CHST15: variants seen among roughly 807,000 people sequenced by gnomAD.
The protein encoded by CHST15 is B cell RAG associated protein (GALNAC4S-6ST).
A neutral mutation model predicts 53.6 loss-of-function variants in CHST15; 30 were observed. The observed-to-expected ratio is 0.56, with a 90% CI of 0.42 to 0.76. The LOEUF (loss-of-function observed/expected upper bound fraction) is 0.76. Ranked by LOEUF, CHST15 falls within the 30% of genes least tolerant of loss-of-function variation. The probability of loss-of-function intolerance (pLI) is 0.00; values close to 1 mark genes in which losing one functional copy is unlikely to be tolerated. For missense variants in CHST15, 627 were observed against 740.5 expected, an observed-to-expected ratio of 0.85 and a Z score of 1.78; for synonymous variants, 296 against 289.8, an observed-to-expected ratio of 1.02 and a Z score of -0.22.
intron 1 of CHST15, among the ~76,000 whole-genome samples, chr10:124,050,551 C>T (rs1948154583): frequency 6.6e-6 from 1 of 152,168 alleles, no homozygotes; most frequent in South Asian, 2.1e-4. Flanking sequence ...AGCACCCCTT[C>T]CCCTGACATG....
intron 5 of CHST15, among the ~76,000 whole-genome samples, chr10:124,028,584 G>T (rs892028927): frequency 6.6e-6 from 1 of 152,202 alleles, no homozygotes; most frequent in Admixed American, 6.5e-5. Context: ...TCATCACCCT[G>T]ATGAGCGACT....
At chr10:124,010,890 T>G in intron 7 of CHST15, 1 of 985,444 alleles carries the variant, frequency 1.0e-6, no homozygotes, top group Non-Finnish European at 1.2e-6. Context: ...GAGCCCCCAC[T>G]GGCTGAACCT....
intron 5 of CHST15, among the ~76,000 whole-genome samples, chr10:124,034,850 C>A (rs1250686682): frequency 6.8e-6 from 1 of 146,156 alleles, no homozygotes; most frequent in South Asian, 2.2e-4. Context: ...GGTTCTACCC[C>A]TAACAGGGAC....
intron 3 of CHST15, among the ~76,000 whole-genome samples, chr10:124,042,761 T>C (rs548122190): frequency 3.3e-5 from 5 of 152,304 alleles, no homozygotes; most frequent in South Asian, 2.1e-4. Flanking sequence ...GGACAAAGTC[T>C]GGGGCTGGTT....
At chr10:124,069,168 A>G (rs376839731) in intron 1 of CHST15, among the ~76,000 whole-genome samples, 1 of 152,230 alleles carries the variant, frequency 6.6e-6, no homozygotes, top group African/African-American at 2.4e-5. Flanking sequence ...CTGTGCTGCT[A>G]GGCAAAGTTG....
At chr10:124,035,610 TCCCCTAACACGGACCCTGGCTCCAA>T (rs1947466875) in intron 5 of CHST15, among the ~76,000 whole-genome samples, 7 of 141,974 alleles carry the variant, frequency 4.9e-5, no homozygotes, top group Admixed American at 4.8e-4. Context: ...CATGGTTTCA[TCCCCTAACACGGACCCTGGCTCCAA>T]CCCCTAACAG....
In CHST15 at chr10:124,021,239, G is replaced by GA. The variant is rs1554903164; in HGVS notation, c.1347+16_1347+17insT. ...CCAGGGGCCAGCTCGGGGGGTACGG[G>GA]GGGGGGGGGTACACACAGGCATGGC... On this transcript the variant is annotated intron_variant, in intron 6 of 7. Transcript: ENST00000435907. 2.1e-6 allele frequency: 3 copies of GA among 1,441,748 alleles called. No individual in the cohort carries two copies. Among genetic ancestry groups the GA allele is most frequent in the Non-Finnish European group, 2.8e-6 (3 of 1,064,188 alleles). The allele number at this position is 1,441,748 out of a possible 1,614,324, so 89.3% of individuals were successfully genotyped here.
At chr10:124,013,521 C>T (rs1307020774) in intron 6 of CHST15, among the ~76,000 whole-genome samples, 1 of 152,208 alleles carries the variant, frequency 6.6e-6, no homozygotes, top group Non-Finnish European at 1.5e-5. Context: ...TTTTAATCTT[C>T]ATCCTTTCCC....
Position 124,008,346 on chromosome 10 carries a change from C to T in CHST15, c.*1803G>A, listed in dbSNP as rs1946323393. 6.4e-6 allele frequency: 5 copies of T among 782,976 alleles called. No homozygotes were observed. Among genetic ancestry groups the T allele is most frequent in the African/African-American group, 1.9e-5 (1 of 53,936 alleles). 48.5% of individuals were successfully genotyped at this position (782,976 alleles called of 1,614,324 possible). ...ACGCACTCACCCACACGTGCGCGTA[C>T]ACACACACACACGCGCGCACTGTAC... is the stretch of plus-strand genomic sequence containing the variant. On this transcript the variant is annotated 3_prime_UTR_variant, in exon 8 of 8. Transcript: ENST00000435907.
chr10:124,085,285 G>A (rs1019682600), intron 1 of CHST15, among the ~76,000 whole-genome samples: 5 of 152,166 alleles, frequency 3.3e-5, no homozygotes, highest in East Asian at 1.9e-4. Context: ...CACATTTCTC[G>A]CCTGAGTAGA....
chr10:124,020,064 C>G (rs1564852621), intron 6 of CHST15: 4 of 985,864 alleles, frequency 4.1e-6, no homozygotes, highest in Non-Finnish European at 4.8e-6. Flanking sequence ...TCCATCTTCT[C>G]TCCCCGCCAG....
chr10:124,040,144 C>G (rs1198966419), intron 4 of CHST15, among the ~76,000 whole-genome samples: 1 of 152,198 alleles, frequency 6.6e-6, no homozygotes, highest in Non-Finnish European at 1.5e-5. Context: ...TAAATTGGCA[C>G]AAATTCTGTC....
At chr10:124,069,275 C>G (rs1354814293) in intron 1 of CHST15, among the ~76,000 whole-genome samples, 1 of 152,212 alleles carries the variant, frequency 6.6e-6, no homozygotes, top group Non-Finnish European at 1.5e-5. Flanking sequence ...GCAGGCTCAG[C>G]TCTAGTACAA....
chr10:124,086,031 G>C (rs953158511), intron 1 of CHST15, among the ~76,000 whole-genome samples: 2 of 152,204 alleles, frequency 1.3e-5, no homozygotes, highest in African/African-American at 4.8e-5. Flanking sequence ...AGGAGGCAGA[G>C]AAGCTTCTCC....
chr10:124,030,041 G>A (rs1947165672), intron 5 of CHST15, among the ~76,000 whole-genome samples: 1 of 152,224 alleles, frequency 6.6e-6, no homozygotes, highest in South Asian at 2.1e-4. Flanking sequence ...GGACTGCCAA[G>A]GACTTCACAA....
intron 1 of CHST15, among the ~76,000 whole-genome samples, chr10:124,047,989 G>T (rs180795102): frequency 2.0e-5 from 3 of 152,254 alleles, no homozygotes; most frequent in African/African-American, 7.2e-5. Flanking sequence ...TTAACTAACC[G>T]CGCATCAAGA....
At chr10:124,052,039 GA>G (rs988641370) in intron 1 of CHST15, among the ~76,000 whole-genome samples, 4 of 151,870 alleles carry the variant, frequency 2.6e-5, no homozygotes, top group Admixed American at 6.6e-5. Flanking sequence ...GACAGAGAGG[GA>G]AAAAAATAGC....
chr10:124,014,020 CT>C (rs1946504354), intron 6 of CHST15, among the ~76,000 whole-genome samples: 1 of 152,250 alleles, frequency 6.6e-6, no homozygotes, highest in Non-Finnish European at 1.5e-5. Flanking sequence ...GCCAGCCCTG[CT>C]TAAAGCCTCC....
In CHST15 at chr10:124,065,965, C is replaced by T. The variant is rs577568847; in HGVS notation, c.-512-19241G>A. On this transcript the variant is annotated intron_variant, in intron 1 of 7. Transcript: ENST00000435907. ...TTTTGGATCATTTGCATTCCTTTCC[C>T]GTAAAGGAAACTTGGAAACGTTTCA... is the stretch of plus-strand genomic sequence containing the variant. Among the ~76,000 whole-genome samples, 4 of 152,240 alleles carry T rather than the reference C, an allele frequency of 2.6e-5. No homozygotes were observed. The East Asian group carries it at 5.8e-4, about 22-fold the overall frequency.
Sources: allele counts gnomAD v4.1 joint callset (sites outside exome capture counted in the v4.1 genomes callset), GRCh38; gene constraint gnomAD v4.1.1; transcripts MANE v1.5; gene names NCBI Gene and HGNC (gene_info 2026-07-23, HGNC 2026-07-21).